Variants in RPA1 observed in about 807,000 individuals in gnomAD.
RPA1 encodes the protein replication protein A 70 kDa DNA-binding subunit.
RPA1 carries 49 observed loss-of-function variants against 83.0 expected under a neutral mutation model. That is an observed-to-expected ratio of 0.59 (90% CI 0.47 to 0.75). RPA1 has a LOEUF of 0.75. RPA1 is among the 30% of genes least tolerant of loss of function. RPA1 has a pLI of 0.00. For synonymous variants in RPA1, 279 were observed against 281.8 expected, an observed-to-expected ratio of 0.99 and a Z score of 0.10; for missense variants, 693 against 776.1, an observed-to-expected ratio of 0.89 and a Z score of 1.27.
chr17:1,894,505 T>C (rs1914323902), intron 15 of RPA1, among the ~76,000 whole-genome samples: 1 of 152,212 alleles, frequency 6.6e-6, no homozygotes, highest in South Asian at 2.1e-4. Context: ...TTTTTAATTT[T>C]TTGTGTCTAG....
Position 1,895,062 on chromosome 17 carries a change from A to G in RPA1, c.1713A>G (p.Ile571Met). 3 of 1,613,762 alleles carry G rather than the reference A, an allele frequency of 1.9e-6. No homozygotes were observed. Among genetic ancestry groups the G allele is most frequent in the Non-Finnish European group, 2.5e-6 (3 of 1,179,818 alleles). The change falls in exon 16 of 17, where the codon ATA becomes ATG. Residue 571 changes from isoleucine to methionine, a missense_variant. Transcript: ENST00000254719. The stretch of plus-strand genomic sequence containing the variant: ...AGAATGCCAACTTCCGATCTTTCAT[A>G]TTCAGAGTCAGGGTCAAAGTGGAGA... ...VFQNANFRSF[I>M]FRVRVKVETY...
chr17:1,889,379 A>G (rs1214528637), intron 14 of RPA1, among the ~76,000 whole-genome samples: 1 of 151,302 alleles, frequency 6.6e-6, no homozygotes, highest in Non-Finnish European at 1.5e-5. Flanking sequence ...TCTGTTGCCC[A>G]GAATAGAGTG....
At position 1,898,001 on chromosome 17, in the gene RPA1, A is replaced by G. The variant is rs1311658136; in HGVS notation, c.*826A>G. 2 of 152,206 alleles carry G rather than the reference A, an allele frequency of 1.3e-5. No homozygotes were observed. The highest frequency in any genetic ancestry group is 6.5e-5 in the Admixed American group (1 of 15,272). The allele number at this position is 152,206 out of a possible 1,614,324, so 9.4% of individuals were successfully genotyped here. ...TTTTTTTTGACTAAAGCTATGTTAC[A>G]TGGAAAGGATTTTGAAGCCTTTTGT... is the stretch of plus-strand genomic sequence containing the variant. On this transcript the variant is annotated 3_prime_UTR_variant, in exon 17 of 17. Transcript: ENST00000254719.
intron 1 of RPA1, among the ~76,000 whole-genome samples, chr17:1,838,327 G>A (rs1911901818): frequency 6.6e-6 from 1 of 150,516 alleles, no homozygotes; most frequent in Non-Finnish European, 1.5e-5. Context: ...AAAACAGCAG[G>A]GTGCAGTGGC....
chr17:1,887,809 A>G (rs1272099275), intron 13 of RPA1, among the ~76,000 whole-genome samples: 1 of 151,766 alleles, frequency 6.6e-6, no homozygotes, highest in South Asian at 2.1e-4. Context: ...GAATCACTTG[A>G]ACCTGGGAGG....
chr17:1,840,921 G>T (rs1010087069), intron 1 of RPA1, among the ~76,000 whole-genome samples: 58 of 152,190 alleles, frequency 3.8e-4, no homozygotes, highest in African/African-American at 1.3e-3. Flanking sequence ...ACAAAAATTA[G>T]CCAGGTGTGG....
At chr17:1,865,445 T>C (rs926439250) in intron 5 of RPA1, among the ~76,000 whole-genome samples, 4 of 152,218 alleles carry the variant, frequency 2.6e-5, no homozygotes, top group African/African-American at 9.7e-5. Flanking sequence ...CTTGCATAAT[T>C]AAATAAATGT....
intron 1 of RPA1, among the ~76,000 whole-genome samples, chr17:1,833,081 C>T (rs1911683083): frequency 6.6e-6 from 1 of 152,058 alleles, no homozygotes; most frequent in Non-Finnish European, 1.5e-5. Context: ...TGCCCACCAC[C>T]ACACCCTGCT....
intron 1 of RPA1, among the ~76,000 whole-genome samples, chr17:1,835,426 G>C (rs56678027): frequency 6.6e-6 from 1 of 152,042 alleles, no homozygotes; most frequent in African/African-American, 2.4e-5. Context: ...CAAGTCTTTG[G>C]GATTATAGGC....
chr17:1,891,682 A>T, intron 14 of RPA1, 151 bp from the exon 15 acceptor site: 1 of 488,398 alleles, frequency 2.0e-6, no homozygotes, highest in South Asian at 3.9e-5. Context: ...GGCCTCCCAA[A>T]GTGCTGGGAT....
rs376951145 is a variant in RPA1 at position 1,844,642 on chromosome 17, A to T, written c.228A>T (p.Val76=). The T allele has an allele frequency of 2.8e-4, 449 of 1,613,774 alleles. No homozygotes were observed. The highest frequency in any genetic ancestry group is 3.7e-4 in the Non-Finnish European group (431 of 1,179,934). The part of the protein sequence containing the change: ...VEEEQLSSNC[V]CQIHRFIVNT... ...AAGAACAATTGTCCAGCAACTGTGT[A>T]TGCCAGATTCACAGATTTATTGTGA... Residue 76 remains valine (V), a synonymous_variant, in exon 4 of 17, where the codon GTA becomes GTT. Transcript: ENST00000254719.
intron 5 of RPA1, among the ~76,000 whole-genome samples, chr17:1,853,929 CTG>C (rs1225530419): frequency 2.6e-5 from 4 of 152,126 alleles, no homozygotes; most frequent in Non-Finnish European, 5.9e-5. Flanking sequence ...CATGAGTAAA[CTG>C]TGTGAAGGTA....
chr17:1,899,828 CCTT>C lies in RPA1; in HGVS notation c.*2654_*2656del, dbSNP rs1353144525. On this transcript the variant is annotated 3_prime_UTR_variant, in exon 17 of 17. Transcript: ENST00000254719. ...GAGGATGAAACAGGTTGTTTGGTCT[CCTT>C]TTCTTCTTTTCACCTGTTAGAAGGC... The C allele has an allele frequency of 6.6e-5, 10 of 152,158 alleles. No individual in the cohort carries two copies. The highest frequency in any genetic ancestry group is 1.3e-4 in the Admixed American group (2 of 15,270). 9.4% of individuals were successfully genotyped at this position (152,158 alleles called of 1,614,324 possible). A position where few individuals can be genotyped will look rare whatever the true frequency, so the allele number is the denominator to read the frequency against.
intron 12 of RPA1, 69 bp from the exon 13 acceptor site, chr17:1,883,743 A>C: frequency 6.2e-7 from 1 of 1,601,956 alleles, no homozygotes; most frequent in Admixed American, 1.7e-5. Context: ...CGTAGCAGCA[A>C]GTTGCATGTG....
chr17:1,842,986 C>G (rs1441585127), intron 2 of RPA1, 133 bp downstream of exon 2: 1 of 826,536 alleles, frequency 1.2e-6, no homozygotes, highest in African/African-American at 1.7e-5. Context: ...ATAGGCCAGT[C>G]TACATTGTAA....
At chr17:1,875,629 T>C (rs1289082395) in intron 6 of RPA1, 32 bp from the exon 7 acceptor site, 32 of 1,598,390 alleles carry the variant, frequency 2.0e-5, no homozygotes, top group Non-Finnish European at 2.6e-5. Context: ...AGAATAGTAA[T>C]AACTCCTTTT....
chr17:1,832,706 A>G (rs79825569), intron 1 of RPA1, among the ~76,000 whole-genome samples: 6 of 152,144 alleles, frequency 3.9e-5, no homozygotes, highest in African/African-American at 1.4e-4. Context: ...TATTAGATGC[A>G]TGACTTGAGG....
intron 16 of RPA1, 105 bp from the exon 17 acceptor site, chr17:1,896,966 G>T (rs117465477): frequency 2.2e-6 from 2 of 889,442 alleles, no homozygotes; most frequent in Admixed American, 2.0e-5. Context: ...GAACCCGTGC[G>T]TCTGTTCCCT....
In RPA1 at chr17:1,888,734, C is replaced by T. The variant is rs201352005; in HGVS notation, c.1434C>T (p.Tyr478=). The change falls in exon 14 of 17, where the codon TAC becomes TAT. Residue 478 remains tyrosine (Y), a synonymous_variant. Coordinates refer to ENST00000254719, the MANE Select transcript of RPA1 (RefSeq NM_002945.5). ...VVYLRKENCM[Y]QACPTQDCNK... is the part of the protein sequence containing the mutation. The stretch of plus-strand genomic sequence containing the variant: ...ATCTTCGCAAAGAGAACTGCATGTA[C>T]CAAGCCTGCCCGACTCAGGACTGCA... The T allele has an allele frequency of 6.2e-7, 1 of 1,614,210 alleles. No homozygotes were observed.
Sources: allele counts gnomAD v4.1 joint callset (sites outside exome capture counted in the v4.1 genomes callset), GRCh38; gene constraint gnomAD v4.1.1; transcripts MANE v1.5; gene names NCBI Gene and HGNC (gene_info 2026-07-23, HGNC 2026-07-21).